The following ATP11C variants were observed in gnomAD, a reference collection of about 807,000 sequenced individuals.
The protein encoded by ATP11C is phospholipid-transporting ATPase IG.
In ATP11C, 36 loss-of-function variants were observed where a neutral mutation model predicts 97.4. The ratio of observed to expected loss-of-function variants is 0.37; its 90% CI spans 0.28 to 0.49. The LOEUF is 0.49. Among genes scored for constraint, ATP11C ranks in the 20% least tolerant of loss-of-function variants. ATP11C has a pLI of 0.98. For synonymous variants in ATP11C, 275 were observed against 290.9 expected (o/e 0.95, Z 0.56); for missense variants, 730 against 824.6 (o/e 0.89, Z 1.40).
chrX:139,853,649 C>G (rs2084040274), intron 1 of ATP11C, among the ~76,000 whole-genome samples: 1 of 109,978 alleles, frequency 9.1e-6, no homozygotes, highest in Non-Finnish European at 1.9e-5. Flanking sequence ...AGCCCGAAAG[C>G]ACTGAGGCCA....
chrX:139,896,516 T>C (rs1333915700), intron 1 of ATP11C, among the ~76,000 whole-genome samples: 1 of 106,747 alleles, frequency 9.4e-6, no homozygotes, highest in Non-Finnish European at 1.9e-5. Flanking sequence ...TAAGGAAATC[T>C]GAATGAAGTA....
At position 139,805,890 on chromosome X, in the gene ATP11C, A is replaced by C. The variant is rs112151302; in HGVS notation, c.427-1291T>G. On this transcript the variant is annotated intron_variant, in intron 5 of 29. Transcript: ENST00000682941. ...ATCAACAGCATCAATAATTGAACTAACTTGTAAATAATATTTTATTTTGTT... is the reference window on the plus strand; with the variant it reads ...ATCAACAGCATCAATAATTGAACTACCTTGTAAATAATATTTTATTTTGTT... Among the ~76,000 whole-genome samples, 365 of 112,606 alleles carry C rather than the reference A, an allele frequency of 3.2e-3. 2 individuals carry two copies. Among genetic ancestry groups the C allele is most frequent in the African/African-American group, 9.9e-3 (306 of 31,041 alleles).
chrX:139,759,706 G>A (rs1253084438), intron 22 of ATP11C, among the ~76,000 whole-genome samples: 3 of 111,691 alleles, frequency 2.7e-5, no homozygotes, highest in Non-Finnish European at 3.8e-5. Flanking sequence ...AATCCTCTTC[G>A]CACAAAAGAT....
intron 1 of ATP11C, among the ~76,000 whole-genome samples, chrX:139,839,327 T>C (rs972907446): frequency 8.9e-6 from 1 of 111,955 alleles, no homozygotes; most frequent in Non-Finnish European, 1.9e-5. Flanking sequence ...AAAATATAAA[T>C]GTACTAAATT....
Position 139,726,354 on chromosome X carries a change from A to T in ATP11C, c.*2612T>A, listed in dbSNP as rs1424522037. 1.8e-5 allele frequency: 2 copies of T among 112,316 alleles called. No homozygotes were observed. The highest frequency in any genetic ancestry group is 1.9e-4 in the Admixed American group (2 of 10,594). The allele number at this position is 112,316 out of a possible 1,213,427, so 9.3% of individuals were successfully genotyped here. On this transcript the variant is annotated 3_prime_UTR_variant, in exon 30 of 30. Coordinates refer to ENST00000682941, the MANE Select transcript of ATP11C (RefSeq NM_001353812.2). ...AAAAAAAGAGGCTGATATATCAATC[A>T]TATCATACCAAAGTTTATTGATTAC...
At chrX:139,781,457 T>C (rs1445633876) in intron 18 of ATP11C, among the ~76,000 whole-genome samples, 1 of 112,679 alleles carries the variant, frequency 8.9e-6, no homozygotes, top group Non-Finnish European at 1.9e-5. Flanking sequence ...CTCATGCCTG[T>C]AATCCCAACA....
At chrX:139,738,273 A>G (rs2081486167) in intron 27 of ATP11C, among the ~76,000 whole-genome samples, 1 of 112,223 alleles carries the variant, frequency 8.9e-6, no homozygotes, top group Non-Finnish European at 1.9e-5. Flanking sequence ...ATCAAAGGAG[A>G]AAAAAGATAA....
At chrX:139,768,617 G>A (rs750174936) in intron 19 of ATP11C, among the ~76,000 whole-genome samples, 183 bp from the exon 20 acceptor site, 2 of 110,670 alleles carry the variant, frequency 1.8e-5, no homozygotes, top group East Asian at 2.8e-4. Flanking sequence ...ATTTGCAATC[G>A]TATCTTTGAG....
intron 22 of ATP11C, among the ~76,000 whole-genome samples, chrX:139,758,395 A>G (rs1160878915): frequency 8.9e-6 from 1 of 111,785 alleles, no homozygotes; most frequent in Non-Finnish European, 1.9e-5. Context: ...GATGATAACA[A>G]AAAAAGAGTC....
At chrX:139,886,798 T>C (rs1401660372) in intron 1 of ATP11C, among the ~76,000 whole-genome samples, 1 of 110,927 alleles carries the variant, frequency 9.0e-6, no homozygotes, top group Non-Finnish European at 1.9e-5. Context: ...AAATTATCTA[T>C]AGATTTTAAT....
At chrX:139,934,294 G>A (rs774655034), upstream of ATP11C, among the ~76,000 whole-genome samples, 7 of 111,473 alleles carry the variant, frequency 6.3e-5, no homozygotes, top group Non-Finnish European at 7.5e-5. Flanking sequence ...AAATGCAAAT[G>A]CAGGAGACCT....
At chrX:139,826,441 C>A (rs2491005) in intron 2 of ATP11C, among the ~76,000 whole-genome samples, 5 of 110,190 alleles carry the variant, frequency 4.5e-5, no homozygotes, top group African/African-American at 1.3e-4. Context: ...GCAAACTTTA[C>A]GGTTTAAAGT....
At chrX:139,920,454 G>C (rs899253323) in intron 1 of ATP11C, among the ~76,000 whole-genome samples, 1 of 110,997 alleles carries the variant, frequency 9.0e-6, no homozygotes, top group African/African-American at 3.3e-5. Context: ...AGTCACAAAG[G>C]AACACATATT....
intron 18 of ATP11C, among the ~76,000 whole-genome samples, chrX:139,776,059 A>T (rs2082342975): frequency 8.9e-6 from 1 of 111,996 alleles, no homozygotes; most frequent in East Asian, 2.8e-4. Context: ...CCCTCCTGGG[A>T]CAAAAGAAAT....
intron 1 of ATP11C, among the ~76,000 whole-genome samples, chrX:139,875,306 AC>A (rs1299725545): frequency 9.4e-6 from 1 of 106,523 alleles, no homozygotes; most frequent in Non-Finnish European, 1.9e-5. Context: ...GACTAATAAC[AC>A]CAATTTGGCC....
At chrX:139,866,343 C>CAAAAAAAAAAAAAAAAAAAAAA (rs57250412) in intron 1 of ATP11C, among the ~76,000 whole-genome samples, 6 of 27,548 alleles carry the variant, frequency 2.2e-4, no homozygotes, top group East Asian at 2.3e-3. Context: ...GACTCTGTCT[C>CAAAAAAAAAAAAAAAAAAAAAA]AAAAAAAAAA....
Position 139,774,840 on chromosome X carries a change from C to A in ATP11C, c.2066G>T (p.Arg689Leu), listed in dbSNP as rs780969333. The change falls in exon 19 of 30, where the codon CGC becomes CTC. Residue 689 changes from arginine to leucine, a missense_variant. Physicochemically the swap from Arg to Leu is moderately radical, Grantham distance 102. Coordinates refer to ENST00000682941, the MANE Select transcript of ATP11C (RefSeq NM_001353812.2). ...ETAKSTCYAC[R>L]LFQTNTELLE... ...GAGCTCAGTGTTGGTCTGGAAAAGG[C>A]GGCAGGCATAGCATGTGGATTTAGC... The A allele has an allele frequency of 1.1e-5, 13 of 1,211,568 alleles. No individual in the cohort carries two copies. Among genetic ancestry groups the A allele is most frequent in the African/African-American group, 3.5e-5 (2 of 57,714 alleles).
rs145436013 is a variant in ATP11C at position 139,772,894 on chromosome X, G to A, written c.2216+1796C>T. Among the ~76,000 whole-genome samples, 35 of 111,273 alleles carry A rather than the reference G, an allele frequency of 3.1e-4. No homozygotes were observed. The East Asian group carries it at 7.6e-3, about 24-fold the overall frequency. On this transcript the variant is annotated intron_variant, in intron 19 of 29. Transcript: ENST00000682941. ...GTAGACTTTTGGGTTAATGCTGAAA[G>A]ACTTTGGGGGGCTGTTGGGAAGGCA...
chrX:139,767,434 A>G (rs981921253), intron 20 of ATP11C, among the ~76,000 whole-genome samples: 1 of 111,713 alleles, frequency 9.0e-6, no homozygotes, highest in African/African-American at 3.3e-5. Flanking sequence ...GTTTTGAGAC[A>G]TAGGGAGCAA....
Sources: gnomAD v4.1 joint callset for allele counts (sites outside exome capture counted in the v4.1 genomes callset) on GRCh38, gnomAD v4.1.1 for gene constraint, MANE v1.5 for transcripts, NCBI Gene and HGNC (gene_info 2026-07-23, HGNC 2026-07-21) for gene names.